Variants in UNC5A observed in about 807,000 individuals in gnomAD.
The protein encoded by UNC5A is netrin receptor UNC5A.
Under a neutral mutation model 87.4 loss-of-function variants are expected in UNC5A, and 20 were observed. The ratio of observed to expected loss-of-function variants is 0.23; its 90% CI spans 0.16 to 0.33. The LOEUF is 0.33. Among genes scored for constraint, UNC5A ranks in the 10% least tolerant of loss-of-function variants. The pLI, the probability that UNC5A is intolerant of heterozygous loss-of-function variation, is 1.00. For missense variants in UNC5A, 844 were observed against 1,133.4 expected, an observed-to-expected ratio of 0.74 and a Z score of 3.67; for synonymous variants, 438 against 482.3, an observed-to-expected ratio of 0.91 and a Z score of 1.20.
rs1359722503 is a variant in UNC5A, at chr5:176,875,590, G to A, written c.1378+1024G>A. ...CAAACCCCTTACCTGGTTCCTTGCT[G>A]TAAAACTTCACCAAATGAAGCCAGA... On this transcript the variant is annotated intron_variant, in intron 8 of 14. Transcript: ENST00000329542. The surrounding 1 kb of genome is among the most constrained non-coding windows in gnomAD (Gnocchi z 5.2). 6.6e-6 allele frequency among the ~76,000 whole-genome samples: 1 copy of A among 152,088 alleles called. No individual in the cohort carries two copies. Among genetic ancestry groups the A allele is most frequent in the Admixed American group, 6.6e-5 (1 of 15,258 alleles).
At chr5:176,861,806 G>GA (rs1317031176) in intron 1 of UNC5A, among the ~76,000 whole-genome samples, 3 of 115,346 alleles carry the variant, frequency 2.6e-5, no homozygotes, top group African/African-American at 1.1e-4. Context: ...TTGGTGGGGG[G>GA]ATCACTGCAG....
At position 176,862,685 on chromosome 5, in the gene UNC5A, C is replaced by T; in HGVS notation, c.132C>T (p.Pro44=). Residue 44 remains proline, a synonymous_variant, in exon 2 of 15, where the codon CCC becomes CCT. Coordinates refer to ENST00000329542, the MANE Select transcript of UNC5A (RefSeq NM_133369.3). ...PVPGANPDLL[P]HFLVEPEDVY... Reference sequence around the variant, plus strand: ...CTGGTGCCAACCCGGACCTGCTTCCCCACTTCCTGGTGGAGCCCGAGGATG... The same window carrying T: ...CTGGTGCCAACCCGGACCTGCTTCCTCACTTCCTGGTGGAGCCCGAGGATG... 3.7e-6 allele frequency: 6 copies of T among 1,613,636 alleles called. No homozygotes were observed. The highest frequency in any genetic ancestry group is 4.2e-6 in the Non-Finnish European group (5 of 1,179,986).
At chr5:176,837,886 G>A (rs77869646) in intron 1 of UNC5A, among the ~76,000 whole-genome samples, 32 of 152,176 alleles carry the variant, frequency 2.1e-4, no homozygotes, top group African/African-American at 7.7e-4. Context: ...CTGCGGACTC[G>A]GCTTCCTAAC....
chr5:176,839,961 T>C (rs1757235983), intron 1 of UNC5A, among the ~76,000 whole-genome samples: 2 of 151,946 alleles, frequency 1.3e-5, no homozygotes, highest in South Asian at 4.2e-4. Context: ...AGGCTTGTGG[T>C]CTACTGCCTC....
intron 11 of UNC5A, 45 bp from the exon 12 acceptor site, chr5:176,878,199 G>C (rs1345916671): frequency 6.2e-7 from 1 of 1,603,396 alleles, no homozygotes; most frequent in East Asian, 2.2e-5. Flanking sequence ...GCCTGCCTTG[G>C]GCGCAGTGGG....
chr5:176,824,628 A>G lies in UNC5A; in HGVS notation c.70+13808A>G, dbSNP rs1217283411. Among the ~76,000 whole-genome samples, 1 of 152,140 alleles carries G rather than the reference A, an allele frequency of 6.6e-6. No individual in the cohort carries two copies. Among genetic ancestry groups the G allele is most frequent in the Non-Finnish European group, 1.5e-5 (1 of 68,028 alleles). On this transcript the variant is annotated intron_variant, in intron 1 of 14. Coordinates refer to ENST00000329542, the MANE Select transcript of UNC5A (RefSeq NM_133369.3). This position sits in a 1 kb window ranked among gnomAD's most constrained non-coding sequence, Gnocchi z 4.2. ...GTCAGGCTTCTCTTGAAAAAGCAAAAGATCTGGGCTGGGCCCAGCAAGCCC... is the reference window on the plus strand; with the variant it reads ...GTCAGGCTTCTCTTGAAAAAGCAAAGGATCTGGGCTGGGCCCAGCAAGCCC...
chr5:176,826,269 A>G (rs1756850655), intron 1 of UNC5A, among the ~76,000 whole-genome samples: 1 of 152,196 alleles, frequency 6.6e-6, no homozygotes, highest in African/African-American at 2.4e-5. Context: ...CTTCTGCCCC[A>G]TCTATGAAAT....
At chr5:176,820,277 G>A (rs546423337) in intron 1 of UNC5A, among the ~76,000 whole-genome samples, 1 of 152,232 alleles carries the variant, frequency 6.6e-6, no homozygotes, top group South Asian at 2.1e-4. Context: ...GGCACCTGTA[G>A]TCCCAGCTAC....
chr5:176,830,724 GTA>G (rs1217037324), intron 1 of UNC5A, among the ~76,000 whole-genome samples: 3 of 70,820 alleles, frequency 4.2e-5, no homozygotes, highest in African/African-American at 9.9e-5. Context: ...GTGCTGGCAT[GTA>G]TGTGTGGGTG....
At chr5:176,858,772 A>AAGGC (rs1554098984) in intron 1 of UNC5A, among the ~76,000 whole-genome samples, 72 of 140,206 alleles carry the variant, frequency 5.1e-4, no homozygotes, top group African/African-American at 1.6e-3. Flanking sequence ...GGAAGGAAGG[A>AAGGC]AGGCAAGCAA....
Position 176,848,475 on chromosome 5 carries a change from A to C in UNC5A, c.71-14149A>C, listed in dbSNP as rs1350136758. Among the ~76,000 whole-genome samples, 2 of 152,214 alleles carry C rather than the reference A, an allele frequency of 1.3e-5. No individual in the cohort carries two copies. The highest frequency in any genetic ancestry group is 2.9e-5 in the Non-Finnish European group (2 of 68,046). Reference sequence around the variant, plus strand: ...AGGAAAACATGAAATCAATACCAGGAGAAAAAAGTATGGCTGTCATTAAGT... The same window carrying C: ...AGGAAAACATGAAATCAATACCAGGCGAAAAAAGTATGGCTGTCATTAAGT... On this transcript the variant is annotated intron_variant, in intron 1 of 14. Coordinates refer to ENST00000329542, the MANE Select transcript of UNC5A (RefSeq NM_133369.3). The surrounding 1 kb of genome is among the most constrained non-coding windows in gnomAD (Gnocchi z 5.8).
chr5:176,843,174 AAG>A (rs1204702174), intron 1 of UNC5A, among the ~76,000 whole-genome samples: 28 of 136,170 alleles, frequency 2.1e-4, no homozygotes, highest in Middle Eastern at 3.6e-3. Context: ...AAAAAAAAAA[AAG>A]AAAGAAAGAA....
At chr5:176,853,800 C>T (rs917869937) in intron 1 of UNC5A, among the ~76,000 whole-genome samples, 23 of 152,118 alleles carry the variant, frequency 1.5e-4, no homozygotes, top group Admixed American at 8.5e-4. Context: ...CTGTCCCTGC[C>T]GTCCAGGGAG....
intron 1 of UNC5A, among the ~76,000 whole-genome samples, chr5:176,812,031 G>A (rs1248406765): frequency 2.6e-5 from 4 of 151,964 alleles, no homozygotes; most frequent in African/African-American, 4.8e-5. Context: ...CTGACCGCCC[G>A]CCCCATCCTG....
intron 1 of UNC5A, among the ~76,000 whole-genome samples, chr5:176,821,146 G>T (rs1057307452): frequency 6.6e-6 from 1 of 152,112 alleles, no homozygotes; most frequent in Non-Finnish European, 1.5e-5. Flanking sequence ...TCCAAGCCCC[G>T]CCCCTGCCCT....
chr5:176,858,772 A>AAGGAAGGAAGGAAGGAAGGAAGGCAGGC (rs1304121118), intron 1 of UNC5A, among the ~76,000 whole-genome samples: 38 of 140,184 alleles, frequency 2.7e-4, no homozygotes, highest in South Asian at 1.2e-3. Flanking sequence ...GGAAGGAAGG[A>AAGGAAGGAAGGAAGGAAGGAAGGCAGGC]AGGCAAGCAA....
rs775833958 is a variant in UNC5A, at chr5:176,877,975, G to A, written c.1717G>A (p.Glu573Lys). The change falls in exon 11 of 15, where the codon GAG (glutamate) becomes AAG (lysine). Residue 573 changes from glutamate to lysine, a missense_variant. Glu to Lys is a moderately conservative substitution (Grantham distance 56, BLOSUM62 1). Around this residue, in one of 3 missense-constraint regions of UNC5A, gnomAD observed 353 missense variants for 387.5 expected, o/e 0.91. Transcript: ENST00000329542. ...GGCCAGTGCCTGCTACGTCTTCACC[G>A]AGCAGCTGGGCCGCTTTGCCCTGGT... ...LEASACYVFT[E>K]QLGRFALVGE... 7 of 1,605,122 alleles carry A rather than the reference G, an allele frequency of 4.4e-6. No individual in the cohort carries two copies. Among genetic ancestry groups the A allele is most frequent in the Non-Finnish European group, 5.1e-6 (6 of 1,179,928 alleles).
rs959259218 is a variant in UNC5A at position 176,874,140 on chromosome 5, C to G, written c.1059C>G (p.Ile353Met). The G allele has an allele frequency of 6.2e-7, 1 of 1,613,762 alleles. No individual in the cohort carries two copies. The highest frequency in any genetic ancestry group is 1.3e-5 in the African/African-American group (1 of 75,032). ...CCTCAGGCTTCCAGCCCGTCAGCAT[C>G]AAGCCCAGCAAAGCAGGTGAGGGGC... is the stretch of plus-strand genomic sequence containing the variant. The part of the protein sequence containing the change: ...ILTSGFQPVS[I>M]KPSKADNPHL... Residue 353 changes from isoleucine (I) to methionine (M), a missense_variant, in exon 7 of 15, where the codon ATC (isoleucine) becomes ATG (methionine). By Grantham distance (10) the Ile-to-Met change is conservative (BLOSUM62 1). Transcript: ENST00000329542. The surrounding 1 kb of genome is among the most constrained non-coding windows in gnomAD (Gnocchi z 7.6).
At chr5:176,814,349 G>A (rs928634019) in intron 1 of UNC5A, among the ~76,000 whole-genome samples, 1 of 152,200 alleles carries the variant, frequency 6.6e-6, no homozygotes, top group Non-Finnish European at 1.5e-5. Flanking sequence ...GAGGTCGGGT[G>A]CCCTCCCTGG....
Sources: allele counts gnomAD v4.1 joint callset (sites outside exome capture counted in the v4.1 genomes callset), GRCh38; gene constraint gnomAD v4.1.1; regional missense constraint gnomAD v4.1.1; non-coding constraint Gnocchi (gnomAD v3.1); transcripts MANE v1.5; gene names NCBI Gene and HGNC (gene_info 2026-07-23, HGNC 2026-07-21).